Variants in RHOT1 observed in about 807,000 individuals in gnomAD.
The protein encoded by RHOT1 is ras homolog family member T1.
RHOT1 carries 27 observed loss-of-function variants against 95.3 expected under a neutral mutation model. The observed-to-expected ratio is 0.28, with a 90% confidence interval of 0.21 to 0.39. RHOT1 has a LOEUF of 0.39. RHOT1 is among the 10% of genes least tolerant of loss of function. The probability of loss-of-function intolerance (pLI) is 1.00; values close to 1 mark genes in which losing one functional copy is unlikely to be tolerated. For missense variants in RHOT1, 578 were observed against 786.7 expected (o/e 0.73, Z 3.17); for synonymous variants, 227 against 263.5 (o/e 0.86, Z 1.34).
At chr17:32,192,820 C>T (rs1233948184) in intron 9 of RHOT1, among the ~76,000 whole-genome samples, 3 of 151,846 alleles carry the variant, frequency 2.0e-5, no homozygotes, top group Non-Finnish European at 2.9e-5. Flanking sequence ...TACAGGCATG[C>T]GCCACAACAC....
chr17:32,192,450 A>T, intron 9 of RHOT1, 151 bp downstream of exon 9: 1 of 611,352 alleles, frequency 1.6e-6, no homozygotes. Context: ...ATCAACCTAT[A>T]TATGCCTAAA....
rs374882525 is a variant in RHOT1 at position 32,202,747 on chromosome 17, T to C, written c.1202-23T>C. 2.2e-5 allele frequency: 33 copies of C among 1,533,536 alleles called. No individual in the cohort carries two copies. The African/African-American group carries it at 4.2e-4, about 20-fold the overall frequency. 95.0% of individuals were successfully genotyped at this position (1,533,536 alleles called of 1,614,324 possible). ...TCTAAGTGGTACATATTTAGTGGGG[T>C]TTTTTATTATTATTATTTTTAGTGA... On this transcript the variant is annotated intron_variant, in intron 14 of 19. Transcript: ENST00000545287.
At chr17:32,143,685 C>G (rs963493059) in intron 1 of RHOT1, among the ~76,000 whole-genome samples, 12 of 152,200 alleles carry the variant, frequency 7.9e-5, no homozygotes, top group African/African-American at 2.9e-4. Context: ...TGATTTCACT[C>G]TGCAAGTTAT....
chr17:32,214,019 C>T (rs115542011), intron 19 of RHOT1, among the ~76,000 whole-genome samples: 203 of 152,262 alleles, frequency 1.3e-3, no homozygotes, highest in African/African-American at 4.6e-3. Context: ...AGAATGAAAA[C>T]GACAAGTAGA....
intron 14 of RHOT1, among the ~76,000 whole-genome samples, chr17:32,202,087 T>G (rs2142847216): frequency 6.6e-6 from 1 of 152,230 alleles, no homozygotes; most frequent in Non-Finnish European, 1.5e-5. Context: ...AATTTTTGTA[T>G]TTTTAGTAGA....
intron 11 of RHOT1, among the ~76,000 whole-genome samples, chr17:32,198,368 A>G (rs2037059999): frequency 6.6e-6 from 1 of 152,206 alleles, no homozygotes; most frequent in Non-Finnish European, 1.5e-5. Flanking sequence ...ATGACAGGTA[A>G]ATCAGTATTA....
intron 11 of RHOT1, among the ~76,000 whole-genome samples, chr17:32,197,698 G>C (rs912690798): frequency 6.6e-6 from 1 of 152,130 alleles, no homozygotes; most frequent in Non-Finnish European, 1.5e-5. Flanking sequence ...AAAGTACTGG[G>C]ATTACAGGCG....
intron 1 of RHOT1, among the ~76,000 whole-genome samples, chr17:32,158,844 A>C (rs2033241995): frequency 6.6e-6 from 1 of 152,116 alleles, no homozygotes; most frequent in Non-Finnish European, 1.5e-5. Flanking sequence ...TCCTATACCA[A>C]CTGAGTGTCA....
chr17:32,155,451 C>T (rs374191261), intron 1 of RHOT1, among the ~76,000 whole-genome samples: 108 of 151,774 alleles, frequency 7.1e-4, no homozygotes, highest in African/African-American at 2.4e-3. Context: ...TGAGCCACTG[C>T]GCCCAGCCTA....
rs774011232 is a variant in RHOT1, at chr17:32,201,056, G to A, written c.1201G>A (p.Val401Met). ...EQESQASAVT[V>M]TRDKKIDLQK... ...AGAGTCTCAAGCTTCAGCTGTTACA[G>A]GTAAGTATCTAGATACTGTTCAGCT... is the stretch of plus-strand genomic sequence containing the variant. The change falls in exon 14 of 20, where the codon GTG becomes ATG. Residue 401 changes from valine (V) to methionine (M), a missense_variant and splice_region_variant. By Grantham distance (21) the Val-to-Met change is conservative (BLOSUM62 1). This residue lies in a region of RHOT1 where 296 missense variants were observed against 338.5 expected (regional missense o/e 0.87). Coordinates refer to ENST00000545287, the MANE Select transcript of RHOT1 (RefSeq NM_001033566.3). 1.3e-6 allele frequency: 2 copies of A among 1,567,804 alleles called. No individual in the cohort carries two copies. Among genetic ancestry groups the A allele is most frequent in the Non-Finnish European group, 1.7e-6 (2 of 1,146,502 alleles).
rs147422573 is a variant in RHOT1, at chr17:32,166,174, C to T, written c.38-4869C>T. ...CTGCACTCCAGCTTGGGTGACACAG[C>T]GAGACTCTATCTCAAAAAAAAAAAA... On this transcript the variant is annotated intron_variant, in intron 1 of 19. Transcript: ENST00000545287. Among the ~76,000 whole-genome samples the T allele has an allele frequency of 1.2e-3, 170 of 142,646 alleles. 1 individual carries two copies. Among genetic ancestry groups the T allele is most frequent in the African/African-American group, 3.5e-3 (130 of 37,214 alleles). The allele number at this position is 142,646 out of a possible 152,430, so 93.6% of individuals were successfully genotyped here. A position where few individuals can be genotyped will look rare whatever the true frequency, so the allele number is the denominator to read the frequency against.
At chr17:32,212,867 A>G (rs538689037) in intron 19 of RHOT1, among the ~76,000 whole-genome samples, 1 of 152,052 alleles carries the variant, frequency 6.6e-6, no homozygotes, top group East Asian at 1.9e-4. Context: ...CTTTTCTTAA[A>G]TTAGATGGTT....
chr17:32,193,406 A>G (rs888352491), intron 10 of RHOT1, among the ~76,000 whole-genome samples, 162 bp downstream of exon 10: 18 of 152,166 alleles, frequency 1.2e-4, no homozygotes, highest in Admixed American at 4.6e-4. Flanking sequence ...GGGACAGGCC[A>G]TTGTTGGGGA....
chr17:32,200,463 G>A (rs1350263044), intron 13 of RHOT1, among the ~76,000 whole-genome samples: 3 of 152,098 alleles, frequency 2.0e-5, no homozygotes, highest in Non-Finnish European at 2.9e-5. Context: ...TCTGCATTAA[G>A]AATGGCAGTG....
rs1345892524 is a variant in RHOT1, at chr17:32,169,958, C to CA, written c.38-1078dup. On this transcript the variant is annotated intron_variant, in intron 1 of 19. Transcript: ENST00000545287. ...TGGGGAGGTTGAGGCTGCAGTGAGCCAAAAAAATCACACCACTGCACTCCA... is the reference window on the plus strand; with the variant it reads ...TGGGGAGGTTGAGGCTGCAGTGAGCCAAAAAAAATCACACCACTGCACTCCA... 5.9e-5 allele frequency among the ~76,000 whole-genome samples: 9 copies of CA among 151,282 alleles called. No individual in the cohort carries two copies. In the East Asian group the frequency reaches 1.6e-3, roughly 26 times the overall value.
chr17:32,143,258 C>G (rs974828662), intron 1 of RHOT1: 1 of 366,202 alleles, frequency 2.7e-6, no homozygotes, highest in Non-Finnish European at 5.4e-6. Flanking sequence ...GGTCAGGTTT[C>G]TGCATTTTTT....
intron 13 of RHOT1, 42 bp from the exon 14 acceptor site, chr17:32,200,914 C>G (rs752865715): frequency 5.0e-6 from 7 of 1,409,686 alleles, no homozygotes; most frequent in Non-Finnish European, 7.0e-6. Flanking sequence ...CATAAATATT[C>G]GTTTAGGAAC....
chr17:32,192,760 T>C (rs1598406451), intron 9 of RHOT1, among the ~76,000 whole-genome samples: 1 of 151,288 alleles, frequency 6.6e-6, no homozygotes, highest in Non-Finnish European at 1.5e-5. Flanking sequence ...CAACCTCCGC[T>C]GCCCGGGTTC....
At chr17:32,177,484 G>A (rs921936675) in intron 6 of RHOT1, among the ~76,000 whole-genome samples, 8 of 152,032 alleles carry the variant, frequency 5.3e-5, no homozygotes, top group African/African-American at 1.4e-4. Flanking sequence ...TGCCAGGTGC[G>A]GTGGCTCACG....
Sources: allele counts gnomAD v4.1 joint callset (sites outside exome capture counted in the v4.1 genomes callset), GRCh38; gene constraint gnomAD v4.1.1; regional missense constraint gnomAD v4.1.1; transcripts MANE v1.5; gene names NCBI Gene and HGNC (gene_info 2026-07-23, HGNC 2026-07-21).